EML1: variants seen among roughly 807,000 people sequenced by gnomAD.
EML1 encodes EMAP like 1.
Under a neutral mutation model 110.4 loss-of-function variants are expected in EML1, and 27 were observed. The ratio of observed to expected loss-of-function variants is 0.24; its 90% CI spans 0.18 to 0.34. EML1 has a LOEUF of 0.34. Among genes scored for constraint, EML1 ranks in the 10% least tolerant of loss-of-function variants. EML1 has a pLI of 1.00. For missense variants in EML1, 741 were observed against 1,030.9 expected (o/e 0.72, Z 3.85); for synonymous variants, 344 against 385.8 (o/e 0.89, Z 1.27).
intron 1 of EML1, among the ~76,000 whole-genome samples, chr14:99,785,620 T>G (rs1026189730): frequency 5.3e-5 from 8 of 152,170 alleles, no homozygotes; most frequent in African/African-American, 1.9e-4. Context: ...CGTTTGATAT[T>G]AATATCGGTT....
At chr14:99,772,869 T>A (rs1224567977), upstream of EML1, 2 of 152,244 alleles carry the variant, frequency 1.3e-5, no homozygotes, top group Non-Finnish European at 2.9e-5. Context: ...GGTGCTCTGA[T>A]GCTTGACAGA....
At chr14:99,761,369 T>C (rs1045887710) in intron 1 of EML1, among the ~76,000 whole-genome samples, 1 of 152,140 alleles carries the variant, frequency 6.6e-6, no homozygotes, top group Non-Finnish European at 1.5e-5. Context: ...ACAGATATGA[T>C]GTTTTGGAGA....
intron 8 of EML1, among the ~76,000 whole-genome samples, chr14:99,898,978 C>T (rs943986451): frequency 3.9e-5 from 6 of 152,118 alleles, no homozygotes; most frequent in African/African-American, 1.4e-4. Flanking sequence ...CCACCCTCTG[C>T]CCTGTCCTGT....
intron 12 of EML1, 115 bp downstream of exon 12, chr14:99,910,456 A>C: frequency 3.8e-6 from 3 of 788,168 alleles, no homozygotes; most frequent in Non-Finnish European, 4.0e-6. Flanking sequence ...ATGAAATTTC[A>C]AGTTACAGAG....
chr14:99,886,537 G>A (rs998775198), intron 4 of EML1, among the ~76,000 whole-genome samples: 2 of 152,210 alleles, frequency 1.3e-5, no homozygotes, highest in East Asian at 1.9e-4. Flanking sequence ...TTAATAAATT[G>A]TAGGGAAATC....
chr14:99,939,444 G>A lies in EML1; in HGVS notation c.2322+117G>A, dbSNP rs2060538870. On this transcript the variant is annotated intron_variant, in intron 21 of 21. Transcript: ENST00000262233. The surrounding 1 kb of genome is among the most constrained non-coding windows in gnomAD (Gnocchi z 4.2). Reference sequence around the variant, plus strand: ...GCGACTGCTGCCAGCCACAAAGGCAGATGTGACTCTGTTCTTTGCGCCCTG... The same window carrying A: ...GCGACTGCTGCCAGCCACAAAGGCAAATGTGACTCTGTTCTTTGCGCCCTG... 3 of 1,490,508 alleles carry A rather than the reference G, an allele frequency of 2.0e-6. No individual in the cohort carries two copies. The African/African-American group carries it at 4.2e-5, about 21-fold the overall frequency. The allele number at this position is 1,490,508 out of a possible 1,614,324, so 92.3% of individuals were successfully genotyped here. A position where few individuals can be genotyped will look rare whatever the true frequency, so the allele number is the denominator to read the frequency against.
upstream of EML1, among the ~76,000 whole-genome samples, chr14:99,771,335 T>C (rs1336863962): frequency 6.6e-6 from 1 of 152,248 alleles, no homozygotes; most frequent in Non-Finnish European, 1.5e-5. Context: ...GATTATGGTC[T>C]CTTGCATGTG....
chr14:99,883,797 A>G (rs1168731340), intron 4 of EML1, among the ~76,000 whole-genome samples: 1 of 152,332 alleles, frequency 6.6e-6, no homozygotes, highest in Middle Eastern at 3.4e-3. Context: ...GTGGTTCATC[A>G]TGTTTCCAGC....
In EML1 at chr14:99,939,885, G is replaced by A. The variant is rs1026450059; in HGVS notation, c.2323-102G>A. ...AAGTGAGAGCTGCCGAGCGGAGGGC[G>A]AGTAAAGGAATTAAGGCATGCAGTG... On this transcript the variant is annotated intron_variant, in intron 21 of 21. Transcript: ENST00000262233. This position sits in a 1 kb window ranked among gnomAD's most constrained non-coding sequence, Gnocchi z 4.2. 3.1e-5 allele frequency: 43 copies of A among 1,379,216 alleles called. No individual in the cohort carries two copies. Among genetic ancestry groups the A allele is most frequent in the African/African-American group, 1.6e-4 (11 of 68,106 alleles). The allele number at this position is 1,379,216 out of a possible 1,614,324, so 85.4% of individuals were successfully genotyped here. A position where few individuals can be genotyped will look rare whatever the true frequency, so the allele number is the denominator to read the frequency against.
intron 10 of EML1, among the ~76,000 whole-genome samples, chr14:99,909,137 G>C (rs2059905373): frequency 6.6e-6 from 1 of 152,188 alleles, no homozygotes; most frequent in Admixed American, 6.5e-5. Context: ...ATTGTCCAGT[G>C]GGGGAGACAG....
Position 99,911,593 on chromosome 14 carries a change from A to G in EML1, c.1494+17A>G. ...AAAACGGAGGTAAGTCATCAAGGCT[A>G]CTGCTAAAATTTGTTTTTAACCTTA... On this transcript the variant is annotated intron_variant, in intron 13 of 21. Coordinates refer to ENST00000262233, the MANE Select transcript of EML1 (RefSeq NM_004434.3). The G allele has an allele frequency of 6.8e-6, 11 of 1,605,946 alleles. No homozygotes were observed. Among genetic ancestry groups the G allele is most frequent in the Non-Finnish European group, 9.3e-6 (11 of 1,178,450 alleles).
At chr14:99,834,624 G>GGTCTCTTTTGTAATGTGTA (rs2058511015) in intron 1 of EML1, among the ~76,000 whole-genome samples, 1 of 151,670 alleles carries the variant, frequency 6.6e-6, no homozygotes, top group African/African-American at 2.4e-5. Flanking sequence ...GAGGGATATT[G>GGTCTCTTTTGTAATGTGTA]GTCTGTAGTT....
At chr14:99,894,897 T>A in intron 6 of EML1, 139 bp downstream of exon 6, 1 of 1,150,696 alleles carries the variant, frequency 8.7e-7, no homozygotes, top group Non-Finnish European at 1.2e-6. Flanking sequence ...TTTGAAAACT[T>A]AATGTAACAA....
chr14:99,857,566 G>A (rs2058925187), intron 2 of EML1, among the ~76,000 whole-genome samples: 1 of 152,258 alleles, frequency 6.6e-6, no homozygotes, highest in African/African-American at 2.4e-5. Context: ...TCACCCATGA[G>A]CGGTCATTTC....
chr14:99,851,890 G>A (rs1050503743), intron 2 of EML1, among the ~76,000 whole-genome samples: 2 of 152,100 alleles, frequency 1.3e-5, no homozygotes, highest in Non-Finnish European at 2.9e-5. Flanking sequence ...TCTTCTAGCT[G>A]CAAAGCAAGC....
intron 1 of EML1, chr14:99,850,331 G>C (rs1365053336): frequency 7.8e-7 from 1 of 1,289,026 alleles, no homozygotes; most frequent in Non-Finnish European, 1.0e-6. Context: ...TTATGATTCT[G>C]AGTAAGAAAA....
chr14:99,821,202 T>G (rs1430610037), intron 1 of EML1, among the ~76,000 whole-genome samples: 1 of 152,068 alleles, frequency 6.6e-6, no homozygotes, highest in Non-Finnish European at 1.5e-5. Context: ...TTGTTGTTGT[T>G]GAGACAGGGT....
Position 99,757,024 on chromosome 14 carries a change from C to T in EML1, c.28+19164C>T, listed in dbSNP as rs184493919. Among the ~76,000 whole-genome samples the T allele has an allele frequency of 4.1e-3, 624 of 152,302 alleles. 2 individuals are homozygous for T. Among genetic ancestry groups the T allele is most frequent in the Non-Finnish European group, 6.6e-3 (447 of 68,034 alleles). ...ACAATTTGCAGGGCCAAGTGCAAAA[C>T]GAACATATGGAGCTGCTGTTTAACA... On this transcript the variant is annotated intron_variant, in intron 1 of 10. Transcript: ENST00000554479.
chr14:99,742,990 G>A (rs1377585996), intron 1 of EML1, among the ~76,000 whole-genome samples: 5 of 152,184 alleles, frequency 3.3e-5, no homozygotes, highest in African/African-American at 1.2e-4. Context: ...GCAGCATCCA[G>A]CGACCTCTCA....
Sources: allele counts gnomAD v4.1 joint callset (sites outside exome capture counted in the v4.1 genomes callset), GRCh38; gene constraint gnomAD v4.1.1; non-coding constraint Gnocchi (gnomAD v3.1); transcripts MANE v1.5; gene names NCBI Gene and HGNC (gene_info 2026-07-23, HGNC 2026-07-21).